Variants in KCNMA1 observed in about 807,000 individuals in gnomAD.
KCNMA1 encodes potassium calcium-activated channel subfamily M alpha 1, also known as Calcium-activated potassium channel subunit alpha-1.
KCNMA1 carries 29 observed loss-of-function variants against 140.0 expected under a neutral mutation model. That is an observed-to-expected ratio of 0.21 (90% CI 0.15 to 0.28). The LOEUF is 0.28. Among genes scored for constraint, KCNMA1 ranks in the 10% least tolerant of loss-of-function variants. The pLI, the probability that KCNMA1 is intolerant of heterozygous loss-of-function variation, is 1.00. For synonymous variants in KCNMA1, 612 were observed against 611.9 expected, an observed-to-expected ratio of 1.00 and a Z score of 0.00; for missense variants, 880 against 1,602.2, an observed-to-expected ratio of 0.55 and a Z score of 7.70.
Position 77,184,868 on chromosome 10 carries a change from G to T in KCNMA1, c.651C>A (p.Ile217=). 1 of 1,612,982 alleles carries T rather than the reference G, an allele frequency of 6.2e-7. No individual in the cohort carries two copies. The highest frequency in any genetic ancestry group is 8.5e-7 in the Non-Finnish European group (1 of 1,179,042). Residue 217 remains isoleucine, a synonymous_variant, in exon 4 of 28, where the codon ATC becomes ATA. Coordinates refer to ENST00000286628, the MANE Select transcript of KCNMA1 (RefSeq NM_001161352.2). Reference sequence around the variant, plus strand: ...GGAAGAACACGTTGAAAGCCATGTCGATCTGTAATGTGAAATCTTTGTAGA... The same window carrying T: ...GGAAGAACACGTTGAAAGCCATGTCTATCTGTAATGTGAAATCTTTGTAGA... ...QNFYKDFTLQ[I]DMAFNVFFLL...
Position 77,027,962 on chromosome 10 carries a change from C to T in KCNMA1, c.1860-71G>A, listed in dbSNP as rs911252955. ...CAGAGCCACATAACACACACTATTA[C>T]GATCTTTCGGTCTCCTAATGCAGTC... On this transcript the variant is annotated intron_variant, in intron 15 of 27. Transcript: ENST00000286628. 5.7e-5 allele frequency: 76 copies of T among 1,334,496 alleles called. No homozygotes were observed. The East Asian group carries it at 8.1e-4, about 14-fold the overall frequency. 82.7% of individuals were successfully genotyped at this position (1,334,496 alleles called of 1,614,324 possible). A position where few individuals can be genotyped will look rare whatever the true frequency, so the allele number is the denominator to read the frequency against.
intron 16 of KCNMA1, among the ~76,000 whole-genome samples, chr10:77,026,330 G>T (rs1271173595): frequency 6.6e-6 from 1 of 151,772 alleles, no homozygotes; most frequent in African/African-American, 2.4e-5. Context: ...ATTTTTTTTT[G>T]AAAGATGCAC....
chr10:77,330,001 T>A (rs973024901), intron 2 of KCNMA1, among the ~76,000 whole-genome samples: 1 of 152,208 alleles, frequency 6.6e-6, no homozygotes, highest in African/African-American at 2.4e-5. Context: ...TTAGTTTTAT[T>A]GTTATTATTA....
chr10:77,166,325 A>G (rs10762749), intron 5 of KCNMA1, among the ~76,000 whole-genome samples: 10,563 of 152,230 alleles, frequency 0.069, 462 homozygotes, highest in South Asian at 0.15. Flanking sequence ...CTACCACAGT[A>G]AGAATTTTTG....
intron 1 of KCNMA1, among the ~76,000 whole-genome samples, chr10:77,465,450 C>G (rs1207949099): frequency 1.3e-5 from 2 of 152,174 alleles, no homozygotes; most frequent in African/African-American, 4.8e-5. Context: ...TACAGAAATA[C>G]TCAGAGTTTT....
intron 20 of KCNMA1, among the ~76,000 whole-genome samples, chr10:76,961,735 C>T (rs534089932): frequency 6.6e-6 from 1 of 152,158 alleles, no homozygotes; most frequent in Admixed American, 6.5e-5. Flanking sequence ...TGAGGCAAGA[C>T]CCTCTACCAG....
At chr10:77,099,691 G>T (rs10159939) in intron 9 of KCNMA1, among the ~76,000 whole-genome samples, 86,739 of 148,300 alleles carry the variant, frequency 0.58, 25,840 homozygotes, top group African/African-American at 0.7. Context: ...TCCAGCCTGG[G>T]CAACAAGAGC....
intron 2 of KCNMA1, among the ~76,000 whole-genome samples, chr10:77,392,154 G>A (rs1319510500): frequency 7.7e-6 from 1 of 129,290 alleles, no homozygotes; most frequent in Non-Finnish European, 1.7e-5. Context: ...GAGGGAGGGA[G>A]GAAGGGAGGG....
chr10:77,629,778 A>C (rs2092972345), intron 1 of KCNMA1, among the ~76,000 whole-genome samples: 1 of 152,190 alleles, frequency 6.6e-6, no homozygotes, highest in South Asian at 2.1e-4. Context: ...TATACACTTA[A>C]TATGCAACAA....
At chr10:77,558,841 T>A (rs114176479) in intron 1 of KCNMA1, among the ~76,000 whole-genome samples, 2,404 of 152,346 alleles carry the variant, frequency 0.016, 71 homozygotes, top group African/African-American at 0.055. Flanking sequence ...CTTGACACAG[T>A]ACCTCTGGCA....
intron 1 of KCNMA1, among the ~76,000 whole-genome samples, chr10:77,542,623 G>A (rs892579055): frequency 1.3e-5 from 2 of 152,266 alleles, no homozygotes; most frequent in Admixed American, 1.3e-4. Flanking sequence ...GAGAAAGATG[G>A]CAGAGTGTCC....
rs138787352 is a variant in KCNMA1 at position 77,607,779 on chromosome 10, G to A, written c.378+29486C>T. ...TAAAAGCCCAGGGAAACTGATTTCC[G>A]ACTTCTCGCCTTCAGAACTGTAGGA... On this transcript the variant is annotated intron_variant, in intron 1 of 27. Coordinates refer to ENST00000286628, the MANE Select transcript of KCNMA1 (RefSeq NM_001161352.2). Among the ~76,000 whole-genome samples the A allele has an allele frequency of 3.0e-3, 452 of 152,252 alleles. 1 individual carries two copies. The highest frequency in any genetic ancestry group is 4.9e-3 in the Non-Finnish European group (335 of 68,012).
chr10:77,174,559 C>T (rs562658816), intron 5 of KCNMA1, among the ~76,000 whole-genome samples: 408 of 152,294 alleles, frequency 2.7e-3, no homozygotes, highest in African/African-American at 8.3e-3. Flanking sequence ...AGGAACTGAG[C>T]TTTTAAATAG....
chr10:77,085,911 T>C (rs1412793467), intron 11 of KCNMA1, among the ~76,000 whole-genome samples: 1 of 152,182 alleles, frequency 6.6e-6, no homozygotes, highest in Non-Finnish European at 1.5e-5. Context: ...CAGGTGTGCT[T>C]TATGAGAAGA....
chr10:77,014,157 G>C (rs2091486897), intron 17 of KCNMA1, among the ~76,000 whole-genome samples: 1 of 152,154 alleles, frequency 6.6e-6, no homozygotes, highest in Admixed American at 6.5e-5. Flanking sequence ...GGCTGGGTGT[G>C]GCGGCTGACG....
chr10:77,310,971 C>T (rs1041335533), intron 2 of KCNMA1, among the ~76,000 whole-genome samples: 4 of 152,202 alleles, frequency 2.6e-5, no homozygotes, highest in African/African-American at 9.7e-5. Flanking sequence ...TCCTACCACT[C>T]CAACTCTTCA....
chr10:77,241,091 T>C (rs184728006), intron 3 of KCNMA1, among the ~76,000 whole-genome samples: 21 of 152,340 alleles, frequency 1.4e-4, no homozygotes, highest in African/African-American at 5.1e-4. Flanking sequence ...AAATGCTTAT[T>C]TTAATTTTCT....
chr10:77,041,830 G>C (rs1268255374), intron 14 of KCNMA1, among the ~76,000 whole-genome samples: 2 of 152,140 alleles, frequency 1.3e-5, no homozygotes, highest in Non-Finnish European at 2.9e-5. Context: ...TGCTTATCTT[G>C]TATTAAAAGG....
intron 1 of KCNMA1, among the ~76,000 whole-genome samples, chr10:77,424,154 T>C (rs1319751163): frequency 2.6e-5 from 4 of 152,250 alleles, no homozygotes; most frequent in Non-Finnish European, 4.4e-5. Context: ...AGCAGGTTAG[T>C]TAATCCTTTG....
Sources: gnomAD v4.1 joint callset for allele counts (sites outside exome capture counted in the v4.1 genomes callset) on GRCh38, gnomAD v4.1.1 for gene constraint, MANE v1.5 for transcripts, NCBI Gene and HGNC (gene_info 2026-07-23, HGNC 2026-07-21) for gene names.